Variants in XRN2 observed in about 807,000 individuals in gnomAD.
XRN2 encodes the protein 5'-3' exoribonuclease 2.
Under a neutral mutation model 138.5 loss-of-function variants are expected in XRN2, and 44 were observed. The ratio of observed to expected loss-of-function variants is 0.32; its 90% CI spans 0.25 to 0.41. XRN2 has a LOEUF of 0.41. Among genes scored for constraint, XRN2 ranks in the 10% least tolerant of loss-of-function variants. The probability of loss-of-function intolerance (pLI) is 1.00; values close to 1 mark genes in which losing one functional copy is unlikely to be tolerated. For synonymous variants in XRN2, 354 were observed against 369.4 expected (o/e 0.96, Z 0.48); for missense variants, 937 against 1,169.3 (o/e 0.80, Z 2.90).
chr20:21,354,267 G>C (rs2038549196), intron 20 of XRN2, among the ~76,000 whole-genome samples: 1 of 151,384 alleles, frequency 6.6e-6, no homozygotes, highest in South Asian at 2.1e-4. Flanking sequence ...AAATTAATTA[G>C]TAGGCTTTAA....
At chr20:21,382,302 C>T (rs941329248) in intron 28 of XRN2, among the ~76,000 whole-genome samples, 7 of 152,078 alleles carry the variant, frequency 4.6e-5, no homozygotes, top group African/African-American at 1.7e-4. Flanking sequence ...TTTTGAGATG[C>T]CCTGAAAAAT....
intron 8 of XRN2, among the ~76,000 whole-genome samples, 163 bp from the exon 9 acceptor site, chr20:21,332,120 C>T (rs1192207636): frequency 6.6e-6 from 1 of 152,104 alleles, no homozygotes; most frequent in Non-Finnish European, 1.5e-5. Flanking sequence ...TAGAGGACTT[C>T]CTGTTAACTG....
intron 13 of XRN2, among the ~76,000 whole-genome samples, chr20:21,335,374 A>G (rs186952621): frequency 5.4e-4 from 83 of 152,326 alleles, no homozygotes; most frequent in Non-Finnish European, 1.0e-4. Flanking sequence ...AACAACATAT[A>G]TTACTGCTAC....
intron 13 of XRN2, 96 bp from the exon 14 acceptor site, chr20:21,338,947 TA>T (rs1167842227): frequency 1.6e-6 from 2 of 1,232,844 alleles, no homozygotes; most frequent in Non-Finnish European, 2.3e-6. Context: ...GGTCGTCCTT[TA>T]AAACTTAAGT....
chr20:21,374,617 A>T (rs1412346772), intron 27 of XRN2, among the ~76,000 whole-genome samples: 1 of 151,996 alleles, frequency 6.6e-6, no homozygotes, highest in African/African-American at 2.4e-5. Flanking sequence ...ATTGATTTTG[A>T]AATATTAAAC....
At chr20:21,373,892 T>C (rs1412360169) in intron 27 of XRN2, among the ~76,000 whole-genome samples, 1 of 152,238 alleles carries the variant, frequency 6.6e-6, no homozygotes, top group African/African-American at 2.4e-5. Flanking sequence ...ATTGGAAATA[T>C]CTTTTTCCAC....
chr20:21,334,340 T>G (rs936462866), intron 13 of XRN2, among the ~76,000 whole-genome samples, 155 bp downstream of exon 13: 4 of 152,240 alleles, frequency 2.6e-5, no homozygotes, highest in African/African-American at 9.6e-5. Flanking sequence ...TTGATTATTT[T>G]ATAAAGGTTG....
At chr20:21,349,793 A>T (rs536020027) in intron 20 of XRN2, among the ~76,000 whole-genome samples, 1 of 152,338 alleles carries the variant, frequency 6.6e-6, no homozygotes, top group South Asian at 2.1e-4. Flanking sequence ...ATATTTTGAG[A>T]ATTATATGTG....
At chr20:21,312,393 C>T (rs2037893742) in intron 1 of XRN2, among the ~76,000 whole-genome samples, 1 of 152,048 alleles carries the variant, frequency 6.6e-6, no homozygotes, top group Non-Finnish European at 1.5e-5. Flanking sequence ...CGTGCCCGGC[C>T]TTAGGTTGTG....
intron 8 of XRN2, 107 bp from the exon 9 acceptor site, chr20:21,332,176 G>T: frequency 7.4e-7 from 1 of 1,346,834 alleles, no homozygotes; most frequent in Non-Finnish European, 1.0e-6. Flanking sequence ...CTGCTCATTT[G>T]GGTGCTCATT....
At chr20:21,349,934 A>G (rs1248449959) in intron 20 of XRN2, among the ~76,000 whole-genome samples, 3 of 152,208 alleles carry the variant, frequency 2.0e-5, no homozygotes, top group African/African-American at 4.8e-5. Flanking sequence ...CTTTGTGATT[A>G]ATTAATGGGG....
chr20:21,327,322 AAACTCTATTAGGGGGGTAAGGTAAGATAT>A (rs2038142330), intron 3 of XRN2, among the ~76,000 whole-genome samples: 1 of 152,206 alleles, frequency 6.6e-6, no homozygotes, highest in South Asian at 2.1e-4. Flanking sequence ...AATGACCAGC[AAACTCTATTAGGGGGGTAAGGTAAGATAT>A]AACTCTAAAT....
intron 20 of XRN2, among the ~76,000 whole-genome samples, chr20:21,352,135 C>G (rs368106001): frequency 1.3e-5 from 2 of 152,256 alleles, no homozygotes; most frequent in African/African-American, 4.8e-5. Flanking sequence ...AGCGAGAACA[C>G]ACTTTTCTTG....
Position 21,385,470 on chromosome 20 carries a change from C to T in XRN2, c.2649-1398C>T, listed in dbSNP as rs559691101. ...ATTGTCCTGAAAAATAATTAAAAGC[C>T]CTAGCCATATGCATTTTCTTTCTGA... On this transcript the variant is annotated intron_variant, in intron 28 of 29. Coordinates refer to ENST00000377191, the MANE Select transcript of XRN2 (RefSeq NM_012255.5). Among the ~76,000 whole-genome samples, 35 of 152,192 alleles carry T rather than the reference C, an allele frequency of 2.3e-4. No homozygotes were observed. The South Asian group carries it at 7.3e-3, about 32-fold the overall frequency.
At position 21,326,573 on chromosome 20, in the gene XRN2, G is replaced by T. The variant is rs1445304260; in HGVS notation, c.287G>T (p.Arg96Ile). The T allele has an allele frequency of 6.2e-7, 1 of 1,613,822 alleles. No individual in the cohort carries two copies. Among genetic ancestry groups the T allele is most frequent in the East Asian group, 2.2e-5 (1 of 44,858 alleles). Residue 96 changes from arginine (R) to isoleucine (I), a missense_variant, in exon 3 of 30, where the codon AGA becomes ATA. Physicochemically the swap from Arg to Ile is moderately conservative, Grantham distance 97. Transcript: ENST00000377191. ...CTTTTCAGTATTGTAAGACCAAGAA[G>T]ACTTCTCTACATGGCAATAGATGGA... is the stretch of plus-strand genomic sequence containing the variant. ...DRLFSIVRPR[R>I]LLYMAIDGVA...
At chr20:21,321,316 TGTGTG>T (rs2038040292) in intron 1 of XRN2, among the ~76,000 whole-genome samples, 1 of 147,498 alleles carries the variant, frequency 6.8e-6, no homozygotes, top group Admixed American at 6.7e-5. Context: ...TGTGTGTGTG[TGTGTG>T]TGTGTGTGTG....
At position 21,349,439 on chromosome 20, in the gene XRN2, T is replaced by G; in HGVS notation, c.1914T>G (p.Asn638Lys). 1 of 1,607,736 alleles carries G rather than the reference T, an allele frequency of 6.2e-7. No homozygotes were observed. The highest frequency in any genetic ancestry group is 8.5e-7 in the Non-Finnish European group (1 of 1,174,598). ...FYPEDFAIDL[N>K]GKKYAWQGVA... ...CTGAAGATTTTGCTATTGATTTGAA[T>G]GGGAAGAAATATGCATGGCAAGGTA... The change falls in exon 20 of 30, where the codon AAT (asparagine) becomes AAG (lysine). Residue 638 changes from asparagine to lysine, a missense_variant. This residue lies in a region of XRN2 where 372 missense variants were observed against 414.4 expected (regional missense o/e 0.90). Coordinates refer to ENST00000377191, the MANE Select transcript of XRN2 (RefSeq NM_012255.5).
intron 1 of XRN2, among the ~76,000 whole-genome samples, chr20:21,317,781 C>T (rs771089316): frequency 6.6e-6 from 1 of 152,086 alleles, no homozygotes; most frequent in Non-Finnish European, 1.5e-5. Context: ...CCATTTTTTT[C>T]CTGAATATTT....
chr20:21,313,277 C>T (rs1318230944), intron 1 of XRN2, among the ~76,000 whole-genome samples: 2 of 152,186 alleles, frequency 1.3e-5, no homozygotes, highest in African/African-American at 4.8e-5. Context: ...ACAGTTTCCC[C>T]CTCTGGTCAT....
Sources: gnomAD v4.1 joint callset for allele counts (sites outside exome capture counted in the v4.1 genomes callset) on GRCh38, gnomAD v4.1.1 for gene constraint, gnomAD v4.1.1 regional missense constraint, MANE v1.5 for transcripts, NCBI Gene and HGNC (gene_info 2026-07-23, HGNC 2026-07-21) for gene names.